Variants in SCML2 observed in about 807,000 individuals in gnomAD.
The protein encoded by SCML2 is sex comb on midleg-like protein 2.
In SCML2, 6 loss-of-function variants were observed where a neutral mutation model predicts 48.4. That is an observed-to-expected ratio of 0.12 (90% CI 0.07 to 0.24). SCML2 has a LOEUF of 0.24. Ranked by LOEUF, SCML2 falls within the 10% of genes least tolerant of loss-of-function variation. SCML2 has a pLI of 1.00. For missense variants in SCML2, 377 were observed against 528.2 expected (o/e 0.71, Z 2.81); for synonymous variants, 181 against 189.5 (o/e 0.95, Z 0.37).
At chrX:18,278,420 G>A (rs146313365) in intron 7 of SCML2, among the ~76,000 whole-genome samples, 4,150 of 111,780 alleles carry the variant, frequency 0.037, 200 homozygotes, top group African/African-American at 0.13. Flanking sequence ...TAGCTACAGA[G>A]GACCCTGCAT....
intron 1 of SCML2, among the ~76,000 whole-genome samples, chrX:18,337,284 C>T (rs930862904): frequency 1.4e-5 from 1 of 72,587 alleles, no homozygotes; most frequent in Non-Finnish European, 2.3e-5. Flanking sequence ...CCGGCCTGGG[C>T]GACAGAGCAA....
intron 7 of SCML2, among the ~76,000 whole-genome samples, chrX:18,294,852 C>G (rs1048771583): frequency 9.0e-6 from 1 of 111,170 alleles, no homozygotes. Flanking sequence ...GAACCACCTA[C>G]CTGGGAGGAC....
chrX:18,323,410 T>G (rs764495130), intron 5 of SCML2, among the ~76,000 whole-genome samples: 1 of 111,912 alleles, frequency 8.9e-6, no homozygotes, highest in South Asian at 3.7e-4. Flanking sequence ...GAAATGAAAT[T>G]CTTGAGTTTG....
At chrX:18,293,293 T>C (rs1928293369) in intron 7 of SCML2, among the ~76,000 whole-genome samples, 1 of 111,651 alleles carries the variant, frequency 9.0e-6, no homozygotes, top group African/African-American at 3.2e-5. Flanking sequence ...TATTTCACTG[T>C]ACTAACCACT....
chrX:18,251,488 G>A (rs752607492), intron 11 of SCML2, among the ~76,000 whole-genome samples: 3 of 110,528 alleles, frequency 2.7e-5, no homozygotes, highest in East Asian at 2.8e-4. Flanking sequence ...CAAAGGATTC[G>A]AACAGACATT....
intron 2 of SCML2, among the ~76,000 whole-genome samples, chrX:18,332,191 G>A (rs192981167): frequency 1.2e-4 from 13 of 112,339 alleles, no homozygotes; most frequent in African/African-American, 2.9e-4. Context: ...CTTAAGGCAC[G>A]GATCACATAG....
chrX:18,241,933 T>C (rs1448910788), intron 14 of SCML2, among the ~76,000 whole-genome samples: 1 of 112,304 alleles, frequency 8.9e-6, no homozygotes, highest in Non-Finnish European at 1.9e-5. Context: ...TATTACTTAA[T>C]AGTCACAAGG....
At chrX:18,295,022 T>C (rs1928349183) in intron 7 of SCML2, among the ~76,000 whole-genome samples, 2 of 111,057 alleles carry the variant, frequency 1.8e-5, no homozygotes, top group South Asian at 7.7e-4. Context: ...CACCTCTGCG[T>C]ACTTGCACAC....
At chrX:18,329,633 G>A (rs146500032) in intron 3 of SCML2, among the ~76,000 whole-genome samples, 1 of 112,525 alleles carries the variant, frequency 8.9e-6, no homozygotes, top group Non-Finnish European at 1.9e-5. Flanking sequence ...TACATGTACT[G>A]TTCATAATAA....
intron 11 of SCML2, among the ~76,000 whole-genome samples, chrX:18,249,648 G>T (rs1926572727): frequency 9.0e-6 from 1 of 111,555 alleles, no homozygotes; most frequent in Admixed American, 9.6e-5. Context: ...CTGGGTATAA[G>T]ATGTCCCCTA....
At chrX:18,244,455 GAT>G (rs1926371527) in intron 13 of SCML2, among the ~76,000 whole-genome samples, 1 of 111,846 alleles carries the variant, frequency 8.9e-6, no homozygotes, top group East Asian at 2.8e-4. Context: ...TATGTAAAAA[GAT>G]ATGATTTGGG....
At chrX:18,315,428 G>T (rs745693183) in intron 6 of SCML2, among the ~76,000 whole-genome samples, 1 of 111,704 alleles carries the variant, frequency 9.0e-6, no homozygotes, top group African/African-American at 3.3e-5. Flanking sequence ...AACATGGTAA[G>T]GTTTTTGTAT....
At position 18,330,672 on chromosome X, in the gene SCML2, T is replaced by G. The variant is rs201767229; in HGVS notation, c.23-17A>C. 9.6e-7 allele frequency: 1 copy of G among 1,041,357 alleles called. No individual in the cohort carries two copies. The highest frequency in any genetic ancestry group is 3.1e-5 in the East Asian group (1 of 32,526). The allele number at this position is 1,041,357 out of a possible 1,213,427, so 85.8% of individuals were successfully genotyped here. A position where few individuals can be genotyped will look rare whatever the true frequency, so the allele number is the denominator to read the frequency against. ...CCATGGAATCTAATAAAAAAGAAAATAGCAATACTGGGAGTCCACAGCAAC... is the reference window on the plus strand; with the variant it reads ...CCATGGAATCTAATAAAAAAGAAAAGAGCAATACTGGGAGTCCACAGCAAC... On this transcript the variant is annotated splice_polypyrimidine_tract_variant and intron_variant, in intron 2 of 14. Transcript: ENST00000251900.
At chrX:18,300,599 T>C (rs1928554431) in intron 7 of SCML2, among the ~76,000 whole-genome samples, 1 of 110,531 alleles carries the variant, frequency 9.0e-6, no homozygotes, top group Non-Finnish European at 1.9e-5. Flanking sequence ...AAGACCAGCC[T>C]GGCCAACATG....
intron 7 of SCML2, 58 bp from the exon 8 acceptor site, chrX:18,265,860 C>T: frequency 4.7e-6 from 4 of 858,150 alleles, no homozygotes; most frequent in Non-Finnish European, 6.5e-6. Context: ...GCATTGTCTC[C>T]TCATGACTCA....
At position 18,260,197 on chromosome X, in the gene SCML2, C is replaced by T; in HGVS notation, c.1043G>A (p.Gly348Glu). 1 of 1,198,964 alleles carries T rather than the reference C, an allele frequency of 8.3e-7. No homozygotes were observed. Among genetic ancestry groups the T allele is most frequent in the African/African-American group, 1.8e-5 (1 of 57,137 alleles). The change falls in exon 9 of 15, where the codon GGG becomes GAG. Residue 348 changes from glycine (G) to glutamate (E), a missense_variant. This residue lies in a region of SCML2 where 299 missense variants were observed against 425.5 expected (regional missense o/e 0.70). Transcript: ENST00000251900. ...RGMLYKDVAS[G>E]PCKIVMSTVC... The stretch of plus-strand genomic sequence containing the variant: ...TGTAGACATCACTATTTTACATGGC[C>T]CAGAAGCGACATCTTTATATAACAT...
chrX:18,278,407 C>T (rs945667092), intron 7 of SCML2, among the ~76,000 whole-genome samples: 11 of 111,879 alleles, frequency 9.8e-5, no homozygotes, highest in African/African-American at 2.3e-4. Flanking sequence ...ACCTCTGTGA[C>T]TTTAGCTACA....
intron 7 of SCML2, among the ~76,000 whole-genome samples, chrX:18,267,711 G>C (rs1229142781): frequency 1.9e-5 from 2 of 107,756 alleles, no homozygotes; most frequent in Non-Finnish European, 3.8e-5. Context: ...TCAGCATCCC[G>C]AGTAGCTGGG....
At position 18,264,471 on chromosome X, in the gene SCML2, GTGTGTGTGTC is replaced by G. The variant is rs1271816434; in HGVS notation, c.948+1104_948+1113del. Among the ~76,000 whole-genome samples the G allele has an allele frequency of 4.7e-5, 5 of 105,971 alleles. No homozygotes were observed. In the East Asian group the frequency reaches 1.5e-3, roughly 31 times the overall value. 92.0% of individuals were successfully genotyped at this position (105,971 alleles called of 115,157 possible). On this transcript the variant is annotated intron_variant, in intron 8 of 14. Coordinates refer to ENST00000251900, the MANE Select transcript of SCML2 (RefSeq NM_006089.3). ...TGTGTGTGTGTGTGTGTGTGTGTGT[GTGTGTGTGTC>G]TGTGTAATGTCATCGAAGACCAGTT...
Sources: gnomAD v4.1 joint callset for allele counts (sites outside exome capture counted in the v4.1 genomes callset) on GRCh38, gnomAD v4.1.1 for gene constraint, gnomAD v4.1.1 regional missense constraint, MANE v1.5 for transcripts, NCBI Gene and HGNC (gene_info 2026-07-23, HGNC 2026-07-21) for gene names.